Variants in NALF1 observed in about 807,000 individuals in gnomAD.
NALF1 encodes NALCN channel auxiliary factor 1.
A neutral mutation model predicts 48.4 loss-of-function variants in NALF1; 3 were observed. The ratio of observed to expected loss-of-function variants is 0.06; its 90% CI spans 0.03 to 0.16. NALF1 has a LOEUF of 0.16. Ranked by LOEUF, NALF1 falls within the 10% of genes least tolerant of loss-of-function variation. The pLI is 1.00. For missense variants in NALF1, 526 were observed against 571.5 expected (o/e 0.92, Z 0.81); for synonymous variants, 262 against 245.7 (o/e 1.07, Z -0.62).
intron 1 of NALF1, among the ~76,000 whole-genome samples, chr13:107,770,196 A>G (rs1877540124): frequency 1.3e-5 from 2 of 152,176 alleles, no homozygotes; most frequent in Non-Finnish European, 2.9e-5. Flanking sequence ...TACAGGCGTG[A>G]GCCACCGCGC....
chr13:107,309,478 C>T (rs1188178323), intron 1 of NALF1, among the ~76,000 whole-genome samples: 1 of 152,110 alleles, frequency 6.6e-6, no homozygotes, highest in Admixed American at 6.6e-5. Flanking sequence ...CATACACAGG[C>T]AAGAAAAGTC....
chr13:107,612,906 C>G (rs1322715970), intron 1 of NALF1, among the ~76,000 whole-genome samples: 4 of 151,900 alleles, frequency 2.6e-5, no homozygotes, highest in Non-Finnish European at 5.9e-5. Context: ...GGACATACAC[C>G]TCTATTCACA....
intron 1 of NALF1, among the ~76,000 whole-genome samples, chr13:107,375,102 T>A (rs969887063): frequency 6.6e-6 from 1 of 152,218 alleles, no homozygotes. Context: ...TTCAGTTGCA[T>A]TAATTTGAAT....
chr13:107,223,285 T>C (rs149118293), intron 1 of NALF1, among the ~76,000 whole-genome samples: 92 of 152,308 alleles, frequency 6.0e-4, no homozygotes, highest in African/African-American at 2.2e-3. Flanking sequence ...CACACACATA[T>C]ATATAAGAAA....
chr13:107,526,330 G>A lies in NALF1; in HGVS notation c.916-315575C>T, dbSNP rs185763440. ...TTCTGTGAGGATTCATCTACTGAAA[G>A]CTTTTCCTGGCAGCAATATATGTAC... On this transcript the variant is annotated intron_variant, in intron 1 of 2. Transcript: ENST00000375915. 9.9e-5 allele frequency among the ~76,000 whole-genome samples: 15 copies of A among 152,178 alleles called. No individual in the cohort carries two copies. In the East Asian group the frequency reaches 2.9e-3, roughly 29 times the overall value.
chr13:107,262,769 G>GCTCTCTCTCTCTCTCTCTCTCTCTCTCT lies in NALF1; in HGVS notation c.916-52042_916-52015dup, dbSNP rs1555329321. On this transcript the variant is annotated intron_variant, in intron 1 of 2. Transcript: ENST00000375915. ...ATATTAAGTTGCATAACCCACAGGC[G>GCTCTCTCTCTCTCTCTCTCTCTCTCTCT]CTCTCTCTCTCTCTCTCTCTCTCTC... Among the ~76,000 whole-genome samples, 49 of 144,118 alleles carry GCTCTCTCTCTCTCTCTCTCTCTCTCTCT rather than the reference G, an allele frequency of 3.4e-4. 1 individual carries two copies. Among genetic ancestry groups the GCTCTCTCTCTCTCTCTCTCTCTCTCTCT allele is most frequent in the African/African-American group, 1.2e-3 (46 of 37,810 alleles). The allele number at this position is 144,118 out of a possible 152,430, so 94.5% of individuals were successfully genotyped here.
chr13:107,227,670 A>C (rs1880133799), intron 1 of NALF1, among the ~76,000 whole-genome samples: 1 of 152,216 alleles, frequency 6.6e-6, no homozygotes, highest in African/African-American at 2.4e-5. Flanking sequence ...CCAGTTTTAC[A>C]TGGTGAGATT....
chr13:107,828,790 A>T (rs1409113152), intron 1 of NALF1, among the ~76,000 whole-genome samples: 1 of 152,146 alleles, frequency 6.6e-6, no homozygotes, highest in African/African-American at 2.4e-5. Flanking sequence ...AAAACCTACA[A>T]AAAACAGATG....
chr13:107,839,876 C>G (rs539791443), intron 1 of NALF1, among the ~76,000 whole-genome samples: 1 of 152,238 alleles, frequency 6.6e-6, no homozygotes, highest in Admixed American at 6.5e-5. Flanking sequence ...CTACAATATT[C>G]AGTTTGCACT....
At chr13:107,841,795 G>A (rs183362381) in intron 1 of NALF1, among the ~76,000 whole-genome samples, 12 of 151,752 alleles carry the variant, frequency 7.9e-5, no homozygotes, top group Admixed American at 7.2e-4. Context: ...CAAAATGTAC[G>A]CCTTTTTTTA....
chr13:107,591,216 T>G (rs1022003963), intron 1 of NALF1, among the ~76,000 whole-genome samples: 10 of 151,968 alleles, frequency 6.6e-5, no homozygotes, highest in Non-Finnish European at 1.0e-4. Context: ...GAAATGAGTA[T>G]AAGATCGAGT....
intron 1 of NALF1, among the ~76,000 whole-genome samples, chr13:107,355,492 C>T (rs926672894): frequency 1.3e-5 from 2 of 152,092 alleles, no homozygotes; most frequent in African/African-American, 4.8e-5. Context: ...CTTGTCCCTA[C>T]CTGAATCTCA....
intron 1 of NALF1, among the ~76,000 whole-genome samples, chr13:107,599,664 A>G (rs921559614): frequency 1.1e-4 from 16 of 152,194 alleles, no homozygotes; most frequent in African/African-American, 3.1e-4. Flanking sequence ...TTATTAGTGA[A>G]GTTGAACACT....
At chr13:107,494,005 G>T (rs1875239472) in intron 1 of NALF1, among the ~76,000 whole-genome samples, 1 of 152,104 alleles carries the variant, frequency 6.6e-6, no homozygotes, top group African/African-American at 2.4e-5. Flanking sequence ...TTAACACTTT[G>T]GTTGTCTATA....
intron 1 of NALF1, among the ~76,000 whole-genome samples, chr13:107,553,547 AT>A (rs1296650655): frequency 6.6e-6 from 1 of 152,186 alleles, no homozygotes; most frequent in East Asian, 1.9e-4. Flanking sequence ...TTTACTATAG[AT>A]TTTTATGATC....
intron 1 of NALF1, among the ~76,000 whole-genome samples, chr13:107,863,866 C>T (rs1880641769): frequency 6.6e-6 from 1 of 152,066 alleles, no homozygotes; most frequent in Admixed American, 6.6e-5. Context: ...TTTGAAAATA[C>T]GCTGCAGTCT....
chr13:107,232,267 G>A (rs2138826046), intron 1 of NALF1, among the ~76,000 whole-genome samples: 1 of 152,312 alleles, frequency 6.6e-6, no homozygotes, highest in Non-Finnish European at 1.5e-5. Context: ...CAAATGGGAA[G>A]TTCAAAATCA....
chr13:107,524,107 A>G (rs775258041), intron 1 of NALF1, among the ~76,000 whole-genome samples: 10 of 152,158 alleles, frequency 6.6e-5, no homozygotes, highest in Non-Finnish European at 1.5e-4. Context: ...CAGTGCTATT[A>G]TGGGGTCAAA....
chr13:107,250,335 A>C (rs1167610055), intron 1 of NALF1, among the ~76,000 whole-genome samples: 1 of 152,200 alleles, frequency 6.6e-6, no homozygotes. Context: ...TATTAACCAA[A>C]AAGTTACTTA....
Sources: gnomAD v4.1 joint callset for allele counts (sites outside exome capture counted in the v4.1 genomes callset) on GRCh38, gnomAD v4.1.1 for gene constraint, MANE v1.5 for transcripts, NCBI Gene and HGNC (gene_info 2026-07-23, HGNC 2026-07-21) for gene names.